The following TXN variants were observed in gnomAD, a reference collection of about 807,000 sequenced individuals.
TXN encodes thioredoxin, also known as ADF.
A neutral mutation model predicts 16.5 loss-of-function variants in TXN; 10 were observed. The observed-to-expected ratio is 0.61, with a 90% confidence interval of 0.37 to 1.03. The LOEUF is 1.03. Among genes scored for constraint, TXN ranks in the 50% least tolerant of loss-of-function variants. The pLI, the probability that TXN is intolerant of heterozygous loss-of-function variation, is 0.01. For synonymous variants in TXN, 35 were observed against 39.4 expected, an observed-to-expected ratio of 0.89 and a Z score of 0.42; for missense variants, 71 against 122.5, an observed-to-expected ratio of 0.58 and a Z score of 1.98.
intron 1 of TXN, among the ~76,000 whole-genome samples, chr9:110,254,578 A>T (rs952560128): frequency 4.6e-5 from 7 of 152,194 alleles, no homozygotes; most frequent in African/African-American, 1.7e-4. Flanking sequence ...TCGATCAATG[A>T]CTTTGGATTG....
At position 110,244,878 on chromosome 9, in the gene TXN, T is replaced by C. The variant is rs1279036391; in HGVS notation, c.190-35A>G. On this transcript the variant is annotated intron_variant, in intron 3 of 4. Transcript: ENST00000374517. ...AAAGTAGCAAAGGGAGAGGATTAAA[T>C]ACAAGACTGCGAGTACTGAGCTTTG... is the stretch of plus-strand genomic sequence containing the variant. 3 of 1,565,904 alleles carry C rather than the reference T, an allele frequency of 1.9e-6. No individual in the cohort carries two copies. The African/African-American group carries it at 4.1e-5, about 21-fold the overall frequency.
chr9:110,253,720 T>TA (rs1248610108), intron 1 of TXN, among the ~76,000 whole-genome samples: 1 of 152,150 alleles, frequency 6.6e-6, no homozygotes, highest in East Asian at 1.9e-4. Flanking sequence ...GAACATGAGT[T>TA]ACACCCCACG....
At chr9:110,245,648 A>ATTTT (rs1465035800) in intron 3 of TXN, among the ~76,000 whole-genome samples, 10 of 23,532 alleles carry the variant, frequency 4.2e-4, no homozygotes, top group Non-Finnish European at 7.1e-4. Flanking sequence ...ATATATATAT[A>ATTTT]TATATATTTT....
intron 3 of TXN, 146 bp downstream of exon 3, chr9:110,250,674 T>G: frequency 2.9e-6 from 2 of 678,200 alleles, no homozygotes; most frequent in Non-Finnish European, 5.1e-6. Flanking sequence ...AGCTCCTAAC[T>G]TGCCTGCTCT....
chr9:110,249,410 GT>G (rs768987581), intron 3 of TXN, among the ~76,000 whole-genome samples: 2 of 152,080 alleles, frequency 1.3e-5, no homozygotes, highest in Non-Finnish European at 2.9e-5. Flanking sequence ...TGCAAGGCAG[GT>G]GTGCTAGGTG....
chr9:110,256,044 G>A lies in TXN; in HGVS notation c.24+368C>T, dbSNP rs1837805171. ...CCAGTCGGGGCTGCCCGGACGGGAGGGTGCAGGAGGCGCAGCGTGGGGACT... is the reference window on the plus strand; with the variant it reads ...CCAGTCGGGGCTGCCCGGACGGGAGAGTGCAGGAGGCGCAGCGTGGGGACT... On this transcript the variant is annotated intron_variant, in intron 1 of 4. Coordinates refer to ENST00000374517, the MANE Select transcript of TXN (RefSeq NM_003329.4). The surrounding 1 kb of genome is among the most constrained non-coding windows in gnomAD (Gnocchi z 4.2). Among the ~76,000 whole-genome samples the A allele has an allele frequency of 6.6e-6, 1 of 152,194 alleles. No individual in the cohort carries two copies. The highest frequency in any genetic ancestry group is 2.1e-4 in the South Asian group (1 of 4,830).
intron 3 of TXN, among the ~76,000 whole-genome samples, chr9:110,247,629 C>A (rs926837515): frequency 1.3e-5 from 2 of 152,164 alleles, no homozygotes; most frequent in African/African-American, 4.8e-5. Context: ...TGCGGAATAG[C>A]CATTCTTTTG....
In TXN at chr9:110,256,290, C is replaced by A; in HGVS notation, c.24+122G>T. 1 of 1,088,734 alleles carries A rather than the reference C, an allele frequency of 9.2e-7. No homozygotes were observed. The highest frequency in any genetic ancestry group is 1.3e-6 in the Non-Finnish European group (1 of 744,000). The allele number at this position is 1,088,734 out of a possible 1,614,324, so 67.4% of individuals were successfully genotyped here. A position where few individuals can be genotyped will look rare whatever the true frequency, so the allele number is the denominator to read the frequency against. On this transcript the variant is annotated intron_variant, in intron 1 of 4. Transcript: ENST00000374517. The surrounding 1 kb of genome is among the most constrained non-coding windows in gnomAD (Gnocchi z 4.2). The stretch of plus-strand genomic sequence containing the variant: ...GAGACGCCGCGTCCCTTTCCCCTGG[C>A]GATGCGGAGGGGCGGCCTCCGCACC...
rs930817538 is a variant in TXN at position 110,256,353 on chromosome 9, C to T, written c.24+59G>A. On this transcript the variant is annotated intron_variant, in intron 1 of 4. Transcript: ENST00000374517. This position sits in a 1 kb window ranked among gnomAD's most constrained non-coding sequence, Gnocchi z 4.2. ...CTTCCCCACCTCCCGCCACCGCCTT[C>T]CCCAGTTACAGAGGCCGCGCGCGGC... The T allele has an allele frequency of 3.2e-6, 5 of 1,556,448 alleles. No homozygotes were observed. In the Admixed American group the frequency reaches 7.3e-5, roughly 23 times the overall value.
chr9:110,252,237 A>AAAAAAAAAAAAAAAAAAAAAAC (rs1837750211), intron 1 of TXN, among the ~76,000 whole-genome samples: 2 of 151,250 alleles, frequency 1.3e-5, no homozygotes, highest in South Asian at 2.1e-4. Flanking sequence ...AAAAAAAAAA[A>AAAAAAAAAAAAAAAAAAAAAAC]AAAAAAAAGC....
At chr9:110,255,805 G>T (rs1837801927) in intron 1 of TXN, among the ~76,000 whole-genome samples, 1 of 152,220 alleles carries the variant, frequency 6.6e-6, no homozygotes, top group Non-Finnish European at 1.5e-5. Context: ...TTGGGGTCGG[G>T]CATGGGTGGA....
chr9:110,252,742 T>G (rs913045843), intron 1 of TXN, among the ~76,000 whole-genome samples: 24 of 152,260 alleles, frequency 1.6e-4, no homozygotes, highest in African/African-American at 5.8e-4. Context: ...CCTCCGGGGT[T>G]CAAGTGATTC....
rs1167823656 is a variant in TXN at position 110,244,100 on chromosome 9, T to TA, written c.*56dup. 4.5e-6 allele frequency: 5 copies of TA among 1,122,368 alleles called. No individual in the cohort carries two copies. Among genetic ancestry groups the TA allele is most frequent in the African/African-American group, 1.7e-5 (1 of 60,566 alleles). 69.5% of individuals were successfully genotyped at this position (1,122,368 alleles called of 1,614,324 possible). A position where few individuals can be genotyped will look rare whatever the true frequency, so the allele number is the denominator to read the frequency against. ...CTTCATATTTTATATTTTTGTAAAT[T>TA]AAAAAAATTACAAGTTTTAAATAGC... On this transcript the variant is annotated 3_prime_UTR_variant, in exon 5 of 5. Coordinates refer to ENST00000374517, the MANE Select transcript of TXN (RefSeq NM_003329.4).
chr9:110,244,326 T>TTTATAC (rs1554766549), intron 4 of TXN, 107 bp from the exon 5 acceptor site: 1 of 299,496 alleles, frequency 3.3e-6, no homozygotes, highest in Non-Finnish European at 6.0e-6. Context: ...CATATGTATA[T>TTTATAC]ATATACATAT....
At chr9:110,250,108 C>T (rs1837711589) in intron 3 of TXN, among the ~76,000 whole-genome samples, 1 of 152,218 alleles carries the variant, frequency 6.6e-6, no homozygotes, top group Non-Finnish European at 1.5e-5. Context: ...GGCTGGGAAG[C>T]CAGACCACTT....
At chr9:110,248,762 G>T (rs527290617) in intron 3 of TXN, among the ~76,000 whole-genome samples, 1 of 152,190 alleles carries the variant, frequency 6.6e-6, no homozygotes, top group Non-Finnish European at 1.5e-5. Flanking sequence ...TAGTTATCGT[G>T]AGGATTAAAT....
intron 3 of TXN, among the ~76,000 whole-genome samples, chr9:110,249,994 G>T (rs1272772958): frequency 6.6e-6 from 1 of 152,140 alleles, no homozygotes; most frequent in Non-Finnish European, 1.5e-5. Flanking sequence ...GCCCCGAAGT[G>T]ATACCTCCTC....
At position 110,245,618 on chromosome 9, in the gene TXN, CTATATATAT is replaced by C. The variant is rs1285256870; in HGVS notation, c.190-784_190-776del. On this transcript the variant is annotated intron_variant, in intron 3 of 4. Coordinates refer to ENST00000374517, the MANE Select transcript of TXN (RefSeq NM_003329.4). ...GTATATATATACACACACACACACACTATATATATATATATATATATATATATATATATA... is the reference window on the plus strand; with the variant it reads ...GTATATATATACACACACACACACACATATATATATATATATATATATATA... Among the ~76,000 whole-genome samples the C allele has an allele frequency of 3.9e-4, 12 of 30,890 alleles. 1 individual carries two copies. Among genetic ancestry groups the C allele is most frequent in the Non-Finnish European group, 4.6e-4 (9 of 19,492 alleles). The allele number at this position is 30,890 out of a possible 152,430, so 20.3% of individuals were successfully genotyped here.
In TXN at chr9:110,244,207, A is replaced by C. The variant is rs771276898; in HGVS notation, c.268T>G (p.Ser90Ala). 3 of 1,569,692 alleles carry C rather than the reference A, an allele frequency of 1.9e-6. No individual in the cohort carries two copies. Among genetic ancestry groups the C allele is most frequent in the Non-Finnish European group, 2.6e-6 (3 of 1,157,112 alleles). ...TCAAGCTTTTCCTTATTGGCTCCAG[A>C]AAATTCACCCACCTGTTAAGAGAAT... ...FKKGQKVGEF[S>A]GANKEKLEAT... Residue 90 changes from serine (S) to alanine (A), a missense_variant, in exon 5 of 5, where the codon TCT (serine) becomes GCT (alanine). Physicochemically the swap from Ser to Ala is moderately conservative, Grantham distance 99 (BLOSUM62 1). Coordinates refer to ENST00000374517, the MANE Select transcript of TXN (RefSeq NM_003329.4).
Sources: allele counts gnomAD v4.1 joint callset (sites outside exome capture counted in the v4.1 genomes callset), GRCh38; gene constraint gnomAD v4.1.1; non-coding constraint Gnocchi (gnomAD v3.1); transcripts MANE v1.5; gene names NCBI Gene and HGNC (gene_info 2026-07-23, HGNC 2026-07-21).